PACRG: variants seen among roughly 807,000 people sequenced by gnomAD.
PACRG encodes the protein parkin coregulated gene protein.
A neutral mutation model predicts 29.7 loss-of-function variants in PACRG; 29 were observed. The ratio of observed to expected loss-of-function variants is 0.98; its 90% confidence interval spans 0.73 to 1.33. PACRG has a LOEUF of 1.33. Ranked by LOEUF, PACRG falls within the 40% of genes most tolerant of loss-of-function variation. PACRG has a pLI of 0.00. For synonymous variants in PACRG, 116 were observed against 118.7 expected, an observed-to-expected ratio of 0.98 and a Z score of 0.15; for missense variants, 279 against 316.2, an observed-to-expected ratio of 0.88 and a Z score of 0.89.
intron 4 of PACRG, among the ~76,000 whole-genome samples, chr6:163,125,939 A>G (rs1195029692): frequency 6.6e-6 from 1 of 152,254 alleles, no homozygotes; most frequent in Non-Finnish European, 1.5e-5. Flanking sequence ...CTTAGGAAAA[A>G]GGAGCACAGT....
intron 2 of PACRG, among the ~76,000 whole-genome samples, chr6:163,029,013 C>T (rs1807407681): frequency 1.3e-5 from 2 of 152,150 alleles, no homozygotes; most frequent in African/African-American, 4.8e-5. Flanking sequence ...CTGGATTAGC[C>T]AGGTGGGCTC....
At chr6:162,978,341 G>T (rs56715899) in intron 2 of PACRG, among the ~76,000 whole-genome samples, 1 of 152,016 alleles carries the variant, frequency 6.6e-6, no homozygotes, top group Non-Finnish European at 1.5e-5. Context: ...CTGTTTACAA[G>T]AAAAAACACA....
Position 163,283,841 on chromosome 6 carries a change from C to T in PACRG, c.614-30986C>T, listed in dbSNP as rs540199571. On this transcript the variant is annotated intron_variant, in intron 4 of 4. Transcript: ENST00000366888. ...AAAAAAAAAAAATTTAGGCCAGATG[C>T]GGTGGCTCACACCTGTGATCCCAGC... 1.4e-4 allele frequency among the ~76,000 whole-genome samples: 21 copies of T among 150,306 alleles called. No individual in the cohort carries two copies. The East Asian group carries it at 2.8e-3, about 20-fold the overall frequency.
upstream of PACRG, chr6:162,727,320 A>AGGGGCGGCGGCGGGGCGAAGGTGT: frequency 2.8e-6 from 1 of 359,782 alleles, no homozygotes. Flanking sequence ...GGCGAAGGTG[A>AGGGGCGGCGGCGGGGCGAAGGTGT]GGGGCGGCGG....
intron 1 of PACRG, among the ~76,000 whole-genome samples, chr6:162,739,166 A>G (rs1780383319): frequency 1.3e-5 from 2 of 152,198 alleles, no homozygotes; most frequent in Admixed American, 6.5e-5. Flanking sequence ...AAGATCATAA[A>G]TTGTTGGTAT....
At chr6:163,157,220 A>G in intron 4 of PACRG, among the ~76,000 whole-genome samples, 1 of 152,218 alleles carries the variant, frequency 6.6e-6, no homozygotes, top group Non-Finnish European at 1.5e-5. Flanking sequence ...AGTAGTGCCT[A>G]CATTCAAGAA....
intron 2 of PACRG, among the ~76,000 whole-genome samples, chr6:162,948,417 A>G (rs1799406631): frequency 6.6e-6 from 1 of 152,098 alleles, no homozygotes; most frequent in South Asian, 2.1e-4. Flanking sequence ...ACTTAAATGT[A>G]AGACCTGAAA....
At chr6:163,281,131 G>A (rs193009093) in intron 4 of PACRG, among the ~76,000 whole-genome samples, 106 of 152,186 alleles carry the variant, frequency 7.0e-4, no homozygotes, top group African/African-American at 2.3e-3. Flanking sequence ...CAAACATAAG[G>A]CACTAGACTC....
At chr6:163,290,835 C>G (rs1235495538) in intron 4 of PACRG, among the ~76,000 whole-genome samples, 1 of 152,154 alleles carries the variant, frequency 6.6e-6, no homozygotes, top group Non-Finnish European at 1.5e-5. Flanking sequence ...ATCGGATGCG[C>G]ATGAGTTCAG....
chr6:163,217,827 A>G lies in PACRG; in HGVS notation c.614-97000A>G, dbSNP rs926710605. ...ATCTGCCACTGTCTCCCATCACCCC[A>G]TCACAGATGGGACCATCTAGTTGCA... is the stretch of plus-strand genomic sequence containing the variant. On this transcript the variant is annotated intron_variant, in intron 4 of 4. Transcript: ENST00000366888. Among the ~76,000 whole-genome samples, 7 of 151,898 alleles carry G rather than the reference A, an allele frequency of 4.6e-5. 1 individual carries two copies. Among genetic ancestry groups the G allele is most frequent in the South Asian group, 4.2e-4 (2 of 4,794 alleles).
intron 2 of PACRG, among the ~76,000 whole-genome samples, chr6:162,919,940 C>A (rs1796950821): frequency 6.6e-6 from 1 of 152,030 alleles, no homozygotes; most frequent in African/African-American, 2.4e-5. Context: ...ATATCTAGAT[C>A]TTCTAAAAAG....
intron 4 of PACRG, among the ~76,000 whole-genome samples, chr6:163,240,384 T>G (rs915030990): frequency 6.6e-6 from 1 of 152,194 alleles, no homozygotes; most frequent in Non-Finnish European, 1.5e-5. Context: ...TGTGGCTGTT[T>G]AAGAGACAAG....
At chr6:163,017,467 A>G (rs1806215619) in intron 2 of PACRG, among the ~76,000 whole-genome samples, 1 of 152,168 alleles carries the variant, frequency 6.6e-6, no homozygotes, top group Non-Finnish European at 1.5e-5. Flanking sequence ...GCCTTCTTCA[A>G]TTCATAGTTG....
At chr6:162,960,767 T>C (rs1562782024) in intron 2 of PACRG, among the ~76,000 whole-genome samples, 3 of 152,194 alleles carry the variant, frequency 2.0e-5, no homozygotes, top group Admixed American at 6.5e-5. Flanking sequence ...GCTAACATAA[T>C]TTAAAAGGAT....
At chr6:162,931,961 G>A (rs1301549276) in intron 2 of PACRG, among the ~76,000 whole-genome samples, 1 of 152,026 alleles carries the variant, frequency 6.6e-6, no homozygotes, top group African/African-American at 2.4e-5. Flanking sequence ...CGACATGAAT[G>A]TTGATAAGGG....
intron 2 of PACRG, among the ~76,000 whole-genome samples, chr6:162,850,614 C>T (rs899995459): frequency 1.3e-5 from 2 of 152,128 alleles, no homozygotes; most frequent in South Asian, 2.1e-4. Flanking sequence ...TCAGGGAGCT[C>T]GGAATAGCTC....
At chr6:162,895,980 A>C (rs1188850845) in intron 2 of PACRG, among the ~76,000 whole-genome samples, 2 of 152,216 alleles carry the variant, frequency 1.3e-5, no homozygotes, top group African/African-American at 4.8e-5. Flanking sequence ...AATATTGTTC[A>C]TGATCAACAC....
chr6:163,212,817 C>T (rs1190031252), intron 4 of PACRG, among the ~76,000 whole-genome samples: 2 of 149,908 alleles, frequency 1.3e-5, no homozygotes, highest in African/African-American at 2.5e-5. Context: ...TCTCGCTCAT[C>T]GCCCAGGCTG....
intron 4 of PACRG, among the ~76,000 whole-genome samples, chr6:163,290,297 C>T (rs1784554320): frequency 6.8e-6 from 1 of 148,096 alleles, no homozygotes; most frequent in Admixed American, 6.7e-5. Context: ...CACACACACA[C>T]ACACACACAC....
Sources: allele counts gnomAD v4.1 joint callset (sites outside exome capture counted in the v4.1 genomes callset), GRCh38; gene constraint gnomAD v4.1.1; transcripts MANE v1.5; gene names NCBI Gene and HGNC (gene_info 2026-07-23, HGNC 2026-07-21).